Variants in KAZN observed in about 807,000 individuals in gnomAD.
KAZN encodes the protein kazrin, periplakin interacting protein, also known as kazrin.
In KAZN, 40 loss-of-function variants were observed where a neutral mutation model predicts 87.4. The observed-to-expected ratio is 0.46, with a 90% CI of 0.36 to 0.60. KAZN has a LOEUF of 0.60. Among genes scored for constraint, KAZN ranks in the 20% least tolerant of loss-of-function variants. The pLI is 0.00. For synonymous variants in KAZN, 466 were observed against 458.3 expected (o/e 1.02, Z -0.22); for missense variants, 898 against 1,073.9 (o/e 0.84, Z 2.29).
intron 2 of KAZN, among the ~76,000 whole-genome samples, chr1:14,240,201 T>A (rs1229893125): frequency 6.6e-6 from 1 of 152,182 alleles, no homozygotes; most frequent in Admixed American, 6.5e-5. Flanking sequence ...CTCACAGATC[T>A]CAGCCATTTT....
At chr1:15,086,526 C>G (rs1254902026) in intron 8 of KAZN, among the ~76,000 whole-genome samples, 1 of 152,118 alleles carries the variant, frequency 6.6e-6, no homozygotes. Context: ...TCTTTTAAAC[C>G]ATGTTCTTCA....
At chr1:14,701,316 A>G (rs1379852032) in intron 1 of KAZN, among the ~76,000 whole-genome samples, 1 of 152,124 alleles carries the variant, frequency 6.6e-6, no homozygotes, top group Admixed American at 6.5e-5. Context: ...TTCTTAGTAG[A>G]GATTAGTTCT....
At chr1:14,165,180 T>G (rs2100226842) in intron 1 of KAZN, among the ~76,000 whole-genome samples, 1 of 152,212 alleles carries the variant, frequency 6.6e-6, no homozygotes, top group East Asian at 1.9e-4. Context: ...GAGCTATGGC[T>G]TTCAACTTTC....
intron 1 of KAZN, among the ~76,000 whole-genome samples, chr1:13,983,787 C>T (rs1277215005): frequency 1.3e-5 from 2 of 152,238 alleles, no homozygotes; most frequent in Non-Finnish European, 2.9e-5. Flanking sequence ...TCTCTCCATG[C>T]ACTTACAAAA....
chr1:14,798,317 C>T (rs939970680), intron 1 of KAZN, among the ~76,000 whole-genome samples: 11 of 151,952 alleles, frequency 7.2e-5, no homozygotes, highest in Non-Finnish European at 1.3e-4. Flanking sequence ...AGGGCAGCAT[C>T]CAAGCAACTT....
chr1:14,528,682 G>A (rs1221720090), intron 2 of KAZN, among the ~76,000 whole-genome samples: 3 of 149,090 alleles, frequency 2.0e-5, no homozygotes, highest in African/African-American at 5.0e-5. Flanking sequence ...CCAGGAGGTC[G>A]AGGTTGCAGT....
At chr1:14,273,464 T>C (rs10492982) in intron 2 of KAZN, among the ~76,000 whole-genome samples, 4,202 of 152,264 alleles carry the variant, frequency 0.028, 182 homozygotes, top group African/African-American at 0.095. Flanking sequence ...GTTTCTCTAT[T>C]ATTGGAATTT....
intron 1 of KAZN, among the ~76,000 whole-genome samples, chr1:14,176,930 C>T (rs977852012): frequency 7.9e-5 from 12 of 152,084 alleles, no homozygotes; most frequent in African/African-American, 2.4e-4. Flanking sequence ...GAGGCCAAGG[C>T]GGGTGGATCA....
intron 2 of KAZN, among the ~76,000 whole-genome samples, chr1:14,470,595 G>C (rs1368970332): frequency 6.6e-6 from 1 of 152,200 alleles, no homozygotes; most frequent in African/African-American, 2.4e-5. Context: ...TGCAGAGAGA[G>C]AGAGGATATA....
At chr1:14,700,219 C>T (rs549002996) in intron 1 of KAZN, among the ~76,000 whole-genome samples, 95 of 152,286 alleles carry the variant, frequency 6.2e-4, no homozygotes, top group African/African-American at 2.2e-3. Flanking sequence ...GGAGGACTTG[C>T]CCACGTCATT....
At chr1:13,913,953 A>G (rs1639746147) in intron 1 of KAZN, among the ~76,000 whole-genome samples, 1 of 152,184 alleles carries the variant, frequency 6.6e-6, no homozygotes, top group African/African-American at 2.4e-5. Flanking sequence ...AACTTGTTAG[A>G]AAGGCAGATT....
At chr1:14,425,715 T>C (rs1008443213) in intron 2 of KAZN, among the ~76,000 whole-genome samples, 1 of 152,146 alleles carries the variant, frequency 6.6e-6, no homozygotes, top group African/African-American at 2.4e-5. Context: ...AGCTGATTGC[T>C]CCACCTGCAT....
chr1:14,277,865 T>A (rs1571206402), intron 2 of KAZN, among the ~76,000 whole-genome samples: 1 of 152,106 alleles, frequency 6.6e-6, no homozygotes, highest in African/African-American at 2.4e-5. Flanking sequence ...ATTCACCTAC[T>A]GCATTAGGGG....
intron 1 of KAZN, among the ~76,000 whole-genome samples, chr1:14,669,557 A>G (rs555958321): frequency 1.3e-5 from 2 of 152,090 alleles, no homozygotes; most frequent in Non-Finnish European, 2.9e-5. Flanking sequence ...CAGCCTGGGC[A>G]ACATATCAAG....
intron 3 of KAZN, 137 bp downstream of exon 3, chr1:15,035,022 C>A (rs1305442094): frequency 2.8e-6 from 3 of 1,064,196 alleles, no homozygotes; most frequent in Non-Finnish European, 4.0e-6. Context: ...TCCAGCCAGG[C>A]CTAGGCACCG....
At chr1:14,102,906 A>T (rs1570743223) in intron 1 of KAZN, among the ~76,000 whole-genome samples, 1 of 140,040 alleles carries the variant, frequency 7.1e-6, no homozygotes, top group African/African-American at 2.7e-5. Context: ...TTGAATACTA[A>T]TCTCTCTCTT....
intron 2 of KAZN, among the ~76,000 whole-genome samples, chr1:14,469,704 G>T (rs1000837549): frequency 1.3e-5 from 2 of 152,164 alleles, no homozygotes; most frequent in African/African-American, 2.4e-5. Flanking sequence ...CCTTGAACAT[G>T]TCCTGATGGA....
intron 1 of KAZN, among the ~76,000 whole-genome samples, chr1:14,105,280 C>G (rs72862554): frequency 0.041 from 6,216 of 152,216 alleles, 432 homozygotes; most frequent in African/African-American, 0.14. Context: ...AGAACCAACC[C>G]GATCTGGGAG....
intron 1 of KAZN, among the ~76,000 whole-genome samples, chr1:14,091,013 G>A (rs1002463004): frequency 3.3e-5 from 5 of 150,614 alleles, no homozygotes; most frequent in Non-Finnish European, 7.4e-5. Context: ...TCAGGAGGCT[G>A]AGGCAGGAGA....
Sources: gnomAD v4.1 joint callset for allele counts (sites outside exome capture counted in the v4.1 genomes callset) on GRCh38, gnomAD v4.1.1 for gene constraint, MANE v1.5 for transcripts, NCBI Gene and HGNC (gene_info 2026-07-23, HGNC 2026-07-21) for gene names.